Variants in CALN1 observed in about 807,000 individuals in gnomAD.
CALN1 encodes the protein calcium-binding protein 8.
CALN1 carries 17 observed loss-of-function variants against 30.6 expected under a neutral mutation model. The ratio of observed to expected loss-of-function variants is 0.56; its 90% CI spans 0.38 to 0.83. The LOEUF (loss-of-function observed/expected upper bound fraction) is 0.83. Ranked by LOEUF, CALN1 falls within the 40% of genes least tolerant of loss-of-function variation. CALN1 has a pLI of 0.00. For missense variants in CALN1, 291 were observed against 354.9 expected, an observed-to-expected ratio of 0.82 and a Z score of 1.45; for synonymous variants, 156 against 131.4, an observed-to-expected ratio of 1.19 and a Z score of -1.28.
At chr7:71,928,694 ACAGATTCT>A (rs1381276372) in intron 5 of CALN1, among the ~76,000 whole-genome samples, 1 of 152,096 alleles carries the variant, frequency 6.6e-6, no homozygotes, top group Non-Finnish European at 1.5e-5. Context: ...CATCACAACA[ACAGATTCT>A]ACAACTGATC....
At chr7:72,280,269 A>G (rs1797648085) in intron 2 of CALN1, among the ~76,000 whole-genome samples, 5 of 152,242 alleles carry the variant, frequency 3.3e-5, no homozygotes, top group Admixed American at 3.3e-4. Flanking sequence ...GGCCCCAAAA[A>G]GTAAAACAGA....
intron 2 of CALN1, among the ~76,000 whole-genome samples, chr7:72,285,202 CTTCTT>C (rs984916030): frequency 1.3e-5 from 2 of 152,086 alleles, no homozygotes; most frequent in Admixed American, 1.3e-4. Flanking sequence ...TATATTTTTG[CTTCTT>C]TTATTTTTCC....
In CALN1 at chr7:72,224,967, G is replaced by A. The variant is rs188117634; in HGVS notation, c.244+53719C>T. On this transcript the variant is annotated intron_variant, in intron 3 of 6. Coordinates refer to ENST00000395275, the MANE Select transcript of CALN1 (RefSeq NM_031468.4). ...AAAAAAATTAGCTGGGTGTGGTGGCGGGCACCTGTAGTCCCAGCTACTTGG... is the reference window on the plus strand; with the variant it reads ...AAAAAAATTAGCTGGGTGTGGTGGCAGGCACCTGTAGTCCCAGCTACTTGG... Among the ~76,000 whole-genome samples, 1,134 of 151,682 alleles carry A rather than the reference G, an allele frequency of 7.5e-3. 8 individuals are homozygous for A. Among genetic ancestry groups the A allele is most frequent in the African/African-American group, 0.021 (860 of 41,352 alleles).
chr7:72,406,657 C>T (rs1343246479), intron 1 of CALN1, among the ~76,000 whole-genome samples: 2 of 143,272 alleles, frequency 1.4e-5, no homozygotes, highest in African/African-American at 2.7e-5. Flanking sequence ...TGTTCTGTCA[C>T]CCAGGCTGGA....
At chr7:71,853,578 T>A (rs1169248514) in intron 5 of CALN1, among the ~76,000 whole-genome samples, 8 of 149,808 alleles carry the variant, frequency 5.3e-5, no homozygotes. Flanking sequence ...TCTGAAATTT[T>A]AATTTTTTTT....
intron 2 of CALN1, among the ~76,000 whole-genome samples, chr7:72,356,131 ATAATT>A (rs1210471922): frequency 6.6e-6 from 1 of 152,198 alleles, no homozygotes; most frequent in East Asian, 1.9e-4. Context: ...ATTTAAAATG[ATAATT>A]TAAAAGTTAA....
intron 3 of CALN1, among the ~76,000 whole-genome samples, chr7:72,260,740 T>C (rs757472027): frequency 3.9e-5 from 6 of 151,966 alleles, no homozygotes; most frequent in Middle Eastern, 3.4e-3. Flanking sequence ...TAAGAAACAC[T>C]AAGTTCTCAG....
intron 3 of CALN1, among the ~76,000 whole-genome samples, chr7:72,201,343 C>A (rs1278487023): frequency 6.6e-6 from 1 of 152,128 alleles, no homozygotes; most frequent in East Asian, 1.9e-4. Context: ...AATCTCAGCA[C>A]TTTGGGAGGC....
At chr7:72,019,125 A>G (rs1800568039) in intron 5 of CALN1, among the ~76,000 whole-genome samples, 1 of 151,624 alleles carries the variant, frequency 6.6e-6, no homozygotes, top group African/African-American at 2.4e-5. Flanking sequence ...TGCTGGGATT[A>G]TAGGCATAAG....
chr7:71,939,403 CAA>C (rs56368426), intron 5 of CALN1, among the ~76,000 whole-genome samples: 9 of 105,442 alleles, frequency 8.5e-5, no homozygotes, highest in Admixed American at 9.9e-5. Flanking sequence ...ACTAAAAATA[CAA>C]AAAAAAAAAA....
chr7:72,274,463 G>A (rs1198885358), intron 3 of CALN1, among the ~76,000 whole-genome samples: 2 of 149,818 alleles, frequency 1.3e-5, no homozygotes, highest in Non-Finnish European at 3.0e-5. Context: ...AGCAAAGATC[G>A]CGCCACTGCA....
intron 2 of CALN1, among the ~76,000 whole-genome samples, chr7:72,335,247 A>G (rs1319136952): frequency 1.3e-5 from 2 of 152,248 alleles, no homozygotes; most frequent in Admixed American, 1.3e-4. Context: ...GTCCTGTTCT[A>G]GCCTCAAGAC....
intron 3 of CALN1, among the ~76,000 whole-genome samples, chr7:72,120,805 T>G (rs1412354722): frequency 6.6e-6 from 1 of 152,002 alleles, no homozygotes; most frequent in African/African-American, 2.4e-5. Flanking sequence ...TCAGATTATG[T>G]CTGAAAAAGG....
rs150251872 is a variant in CALN1 at position 72,091,219 on chromosome 7, C to T, written c.388+14932G>A. ...TGGTGGTGCACACCTGTAATCCTAG[C>T]TACTTGGGAGGCTGAGGCAGGAGAA... On this transcript the variant is annotated intron_variant, in intron 4 of 6. Transcript: ENST00000395275. Among the ~76,000 whole-genome samples, 886 of 152,266 alleles carry T rather than the reference C, an allele frequency of 5.8e-3. 4 individuals are homozygous for T. Among genetic ancestry groups the T allele is most frequent in the Non-Finnish European group, 9.9e-3 (673 of 68,020 alleles).
intron 4 of CALN1, among the ~76,000 whole-genome samples, chr7:72,067,750 T>C (rs1049514518): frequency 2.0e-5 from 3 of 152,232 alleles, no homozygotes; most frequent in Admixed American, 1.3e-4. Context: ...GCCTCTCTCA[T>C]GTACCTGGGC....
intron 2 of CALN1, among the ~76,000 whole-genome samples, chr7:72,374,558 G>GAA (rs144987102): frequency 2.6e-4 from 36 of 138,566 alleles, no homozygotes; most frequent in Admixed American, 7.4e-4. Context: ...GGAAAAAAAA[G>GAA]AAAAAAAAAA....
At chr7:71,923,411 T>TC (rs1795085853) in intron 5 of CALN1, among the ~76,000 whole-genome samples, 1 of 152,122 alleles carries the variant, frequency 6.6e-6, no homozygotes, top group African/African-American at 2.4e-5. Flanking sequence ...AAATGGTGGC[T>TC]CCCCTATGCA....
chr7:72,041,652 G>C (rs531225106), intron 4 of CALN1, among the ~76,000 whole-genome samples: 1 of 152,106 alleles, frequency 6.6e-6, no homozygotes. Flanking sequence ...CCAAAGTGCT[G>C]GGATTACAGG....
intron 5 of CALN1, among the ~76,000 whole-genome samples, chr7:71,891,007 A>G (rs568816252): frequency 6.6e-6 from 1 of 152,170 alleles, no homozygotes; most frequent in Non-Finnish European, 1.5e-5. Context: ...TCAGCCTCCC[A>G]AAGTGCTGGG....
Sources: allele counts gnomAD v4.1 joint callset (sites outside exome capture counted in the v4.1 genomes callset), GRCh38; gene constraint gnomAD v4.1.1; transcripts MANE v1.5; gene names NCBI Gene and HGNC (gene_info 2026-07-23, HGNC 2026-07-21).